The following NLGN1 variants were observed in gnomAD, a reference collection of about 807,000 sequenced individuals.
NLGN1 encodes neuroligin 1, also known as neuroligin-1.
In NLGN1, 12 loss-of-function variants were observed where a neutral mutation model predicts 65.5. That is an observed-to-expected ratio of 0.18 (90% CI 0.12 to 0.30). The LOEUF is 0.30. Ranked by LOEUF, NLGN1 falls within the 10% of genes least tolerant of loss-of-function variation. NLGN1 has a pLI of 1.00. For synonymous variants in NLGN1, 350 were observed against 359.5 expected, an observed-to-expected ratio of 0.97 and a Z score of 0.30; for missense variants, 750 against 1,007.1, an observed-to-expected ratio of 0.74 and a Z score of 3.46.
chr3:173,747,801 C>CTTCTTCTTTTTT (rs1775714048), intron 3 of NLGN1, among the ~76,000 whole-genome samples: 17 of 64,422 alleles, frequency 2.6e-4, no homozygotes, highest in African/African-American at 6.2e-4. Flanking sequence ...TCTTCTTGTT[C>CTTCTTCTTTTTT]TTTTTTTTTT....
chr3:173,602,239 G>A (rs1279212290), intron 2 of NLGN1, among the ~76,000 whole-genome samples: 1 of 151,892 alleles, frequency 6.6e-6, no homozygotes, highest in African/African-American at 2.4e-5. Context: ...AATAAATAGG[G>A]GGAAAATTGT....
At chr3:173,677,063 A>G (rs1300712331) in intron 3 of NLGN1, among the ~76,000 whole-genome samples, 2 of 152,130 alleles carry the variant, frequency 1.3e-5, no homozygotes, top group South Asian at 4.1e-4. Flanking sequence ...GAATAGAGTC[A>G]GAAATGAAAG....
downstream of NLGN1, among the ~76,000 whole-genome samples, chr3:174,291,429 C>T (rs922981282): frequency 4.0e-5 from 6 of 151,236 alleles, no homozygotes; most frequent in Admixed American, 1.3e-4. Flanking sequence ...AAATGACCAA[C>T]ATCAAGACAT....
At chr3:173,774,374 A>G (rs1030418926) in intron 3 of NLGN1, among the ~76,000 whole-genome samples, 1 of 152,146 alleles carries the variant, frequency 6.6e-6, no homozygotes, top group Non-Finnish European at 1.5e-5. Flanking sequence ...GGCTCTGGAC[A>G]CTCACTAATA....
chr3:174,129,540 C>T (rs946953735), intron 4 of NLGN1, among the ~76,000 whole-genome samples: 2 of 152,106 alleles, frequency 1.3e-5, no homozygotes, highest in East Asian at 1.9e-4. Flanking sequence ...AGTCAAAGTA[C>T]GTACGACATT....
At chr3:174,125,678 A>G (rs191382236) in intron 4 of NLGN1, among the ~76,000 whole-genome samples, 56 of 152,252 alleles carry the variant, frequency 3.7e-4, no homozygotes, top group Non-Finnish European at 6.5e-4. Flanking sequence ...ATACATGCAC[A>G]TGTCATGGTT....
chr3:173,775,980 T>A (rs1386126248), intron 3 of NLGN1, among the ~76,000 whole-genome samples: 1 of 152,114 alleles, frequency 6.6e-6, no homozygotes, highest in Non-Finnish European at 1.5e-5. Flanking sequence ...CTACTGGAGT[T>A]CTTTACTGTA....
rs57821486 is a variant in NLGN1, at chr3:173,818,911, T to TTC, written c.646+11079_646+11080insTC. 1.4e-5 allele frequency among the ~76,000 whole-genome samples: 2 copies of TTC among 148,084 alleles called. 1 individual carries two copies. The highest frequency in any genetic ancestry group is 5.0e-5 in the African/African-American group (2 of 40,120). On this transcript the variant is annotated intron_variant, in intron 4 of 6. Coordinates refer to ENST00000457714, the Ensembl canonical transcript of NLGN1. ...TGAATAGTTCTTTTTTTTTTTTTTT[T>TTC]CCAGTAAGGAACTAAGGGAGTACTC...
intron 2 of NLGN1, among the ~76,000 whole-genome samples, chr3:173,539,651 A>G (rs369799177): frequency 1.9e-3 from 111 of 58,690 alleles, no homozygotes; most frequent in East Asian, 7.1e-3. Context: ...TACATATATA[A>G]CATATGTGTA....
intron 4 of NLGN1, among the ~76,000 whole-genome samples, chr3:173,946,612 T>C (rs896039104): frequency 8.5e-5 from 13 of 152,198 alleles, no homozygotes; most frequent in Admixed American, 8.5e-4. Context: ...CATGATATTA[T>C]TGGATCAAAC....
intron 3 of NLGN1, among the ~76,000 whole-genome samples, chr3:173,700,578 T>C (rs566062546): frequency 2.6e-5 from 4 of 152,390 alleles, no homozygotes; most frequent in East Asian, 1.9e-4. Context: ...GCGTAGAATC[T>C]ACACATAATT....
At position 173,652,197 on chromosome 3, in the gene NLGN1, A is replaced by G. The variant is rs1485980179; in HGVS notation, c.493+47106A>G. Among the ~76,000 whole-genome samples the G allele has an allele frequency of 2.0e-5, 3 of 152,070 alleles. No individual in the cohort carries two copies. In the East Asian group the frequency reaches 5.8e-4, roughly 29 times the overall value. On this transcript the variant is annotated intron_variant, in intron 3 of 6. Transcript: ENST00000457714. Reference sequence around the variant, plus strand: ...ACTGTCAGATACATAGTCTGCAAGTATTTTGTCTGTTACATAGGCTGTCTG... The same window carrying G: ...ACTGTCAGATACATAGTCTGCAAGTGTTTTGTCTGTTACATAGGCTGTCTG...
rs528919511 is a variant in NLGN1, at chr3:173,747,295, CTTAT to C, written c.494-60384_494-60381del. Among the ~76,000 whole-genome samples, 1,022 of 127,756 alleles carry C rather than the reference CTTAT, an allele frequency of 8.0e-3. 14 individuals carry two copies. Among genetic ancestry groups the C allele is most frequent in the African/African-American group, 0.032 (988 of 30,624 alleles). 83.8% of individuals were successfully genotyped at this position (127,756 alleles called of 152,430 possible). ...TTTAAGTATATATATTTAAATATAT[CTTAT>C]GTATGTATATATTTATATATACTTA... On this transcript the variant is annotated intron_variant, in intron 3 of 6. Transcript: ENST00000457714.
At chr3:173,824,442 G>C (rs1382295028) in intron 4 of NLGN1, among the ~76,000 whole-genome samples, 1 of 152,038 alleles carries the variant, frequency 6.6e-6, no homozygotes. Flanking sequence ...AATCAATTAT[G>C]CCCTTGTTTA....
intron 4 of NLGN1, among the ~76,000 whole-genome samples, chr3:174,189,200 C>A (rs1051276994): frequency 2.0e-5 from 3 of 151,926 alleles, no homozygotes; most frequent in African/African-American, 4.8e-5. Context: ...TAAACAATTT[C>A]TAGCTAAATT....
At chr3:174,126,391 A>T (rs1192324392) in intron 4 of NLGN1, among the ~76,000 whole-genome samples, 2 of 152,102 alleles carry the variant, frequency 1.3e-5, no homozygotes, top group Non-Finnish European at 2.9e-5. Flanking sequence ...TAAAAATTAT[A>T]ATGTCCATGA....
chr3:173,633,875 G>C lies in NLGN1; in HGVS notation c.493+28784G>C. Among the ~76,000 whole-genome samples, 2 of 152,042 alleles carry C rather than the reference G, an allele frequency of 1.3e-5. 1 individual carries two copies. Among genetic ancestry groups the C allele is most frequent in the Non-Finnish European group, 2.9e-5 (2 of 68,004 alleles). On this transcript the variant is annotated intron_variant, in intron 3 of 6. Transcript: ENST00000457714. ...GATCTTTTTTTCCATAACCCTTTCT[G>C]ATCCCCATAGCTTGTTAAACCTCTT... is the stretch of plus-strand genomic sequence containing the variant.
chr3:173,539,636 A>ATT (rs1738180575), intron 2 of NLGN1, among the ~76,000 whole-genome samples: 3 of 62,348 alleles, frequency 4.8e-5, no homozygotes, highest in Non-Finnish European at 7.5e-5. Flanking sequence ...ATATATACAC[A>ATT]TATATACATA....
At chr3:173,781,824 A>C (rs939758675) in intron 3 of NLGN1, among the ~76,000 whole-genome samples, 1 of 152,384 alleles carries the variant, frequency 6.6e-6, no homozygotes, top group East Asian at 1.9e-4. Flanking sequence ...TTTTTTAAAC[A>C]AAGTATATTA....
Sources: allele counts gnomAD v4.1 joint callset (sites outside exome capture counted in the v4.1 genomes callset), GRCh38; gene constraint gnomAD v4.1.1; transcripts MANE v1.5; gene names NCBI Gene and HGNC (gene_info 2026-07-23, HGNC 2026-07-21).